TACC3: variants seen among roughly 807,000 people sequenced by gnomAD.
The protein encoded by TACC3 is transforming acidic coiled-coil containing protein 3.
Under a neutral mutation model 86.0 loss-of-function variants are expected in TACC3, and 52 were observed. That is an observed-to-expected ratio of 0.60 (90% confidence interval 0.48 to 0.76). The LOEUF (loss-of-function observed/expected upper bound fraction) is 0.76, where lower values mean the gene tolerates loss of function less well. Ranked by LOEUF, TACC3 falls within the 30% of genes least tolerant of loss-of-function variation. The pLI is 0.00. For missense variants in TACC3, 1,120 were observed against 1,070.4 expected (o/e 1.05, Z -0.65); for synonymous variants, 512 against 430.0 (o/e 1.19, Z -2.36).
chr4:1,744,405 C>T lies in TACC3; in HGVS notation c.2224-113C>T, dbSNP rs573602272. The stretch of plus-strand genomic sequence containing the variant: ...CCAAAAGGAAAACGGGAGCTACTGG[C>T]TCACGGCTGATGCCCCAGACAGCCT... On this transcript the variant is annotated intron_variant, in intron 13 of 15. Coordinates refer to ENST00000313288, the MANE Select transcript of TACC3 (RefSeq NM_006342.3). 1.2e-3 allele frequency: 1,142 copies of T among 969,810 alleles called. 14 individuals are homozygous for T. The African/African-American group carries it at 0.016, about 14-fold the overall frequency. 60.1% of individuals were successfully genotyped at this position (969,810 alleles called of 1,614,324 possible). A position where few individuals can be genotyped will look rare whatever the true frequency, so the allele number is the denominator to read the frequency against.
chr4:1,725,206 A>G (rs1717626362), intron 3 of TACC3, among the ~76,000 whole-genome samples: 1 of 152,186 alleles, frequency 6.6e-6, no homozygotes, highest in African/African-American at 2.4e-5. Context: ...TGCTGGGATT[A>G]CAGGCATGAG....
chr4:1,720,801 G>A (rs372318970), upstream of TACC3: 7 of 1,595,144 alleles, frequency 4.4e-6, no homozygotes, highest in Non-Finnish European at 6.0e-6. The surrounding 1 kb of genome is among the most constrained non-coding windows in gnomAD (Gnocchi z 4.4). Flanking sequence ...GCGAACACCA[G>A]ATAGGCGAGA....
rs1176114128 is a variant in TACC3, at chr4:1,730,776, C to T, written c.1386-111C>T. On this transcript the variant is annotated intron_variant, in intron 4 of 15. Transcript: ENST00000313288. Reference sequence around the variant, plus strand: ...CTGGCACGCTCTAGCTGAATGTTCACGTGGCCGGCACAGCAGTGCAGGGAA... The same window carrying T: ...CTGGCACGCTCTAGCTGAATGTTCATGTGGCCGGCACAGCAGTGCAGGGAA... 1.5e-5 allele frequency: 19 copies of T among 1,234,666 alleles called. No homozygotes were observed. In the South Asian group the frequency reaches 1.9e-4, roughly 12 times the overall value. The allele number at this position is 1,234,666 out of a possible 1,614,324, so 76.5% of individuals were successfully genotyped here. A position where few individuals can be genotyped will look rare whatever the true frequency, so the allele number is the denominator to read the frequency against.
chr4:1,730,458 T>C, intron 4 of TACC3: 1 of 317,040 alleles, frequency 3.2e-6, no homozygotes, highest in South Asian at 2.7e-5. Context: ...CTAGTATAAC[T>C]ATTCTTATTC....
At chr4:1,740,719 C>G (rs945545468) in intron 12 of TACC3, 107 bp from the exon 13 acceptor site, 66 of 1,002,826 alleles carry the variant, frequency 6.6e-5, no homozygotes, top group Non-Finnish European at 9.7e-5. Flanking sequence ...CCACTGCCCA[C>G]CTCTCCTCCT....
intron 8 of TACC3, 128 bp from the exon 9 acceptor site, chr4:1,737,113 C>T (rs1718310402): frequency 1.4e-6 from 1 of 726,220 alleles, no homozygotes; most frequent in Admixed American, 2.4e-5. Flanking sequence ...CGTTTTCTAC[C>T]ACTACCCTGA....
chr4:1,743,197 A>T (rs1169882350), intron 13 of TACC3, among the ~76,000 whole-genome samples: 2 of 143,446 alleles, frequency 1.4e-5, no homozygotes, highest in African/African-American at 5.3e-5. Flanking sequence ...TGGAGGTTGC[A>T]ATGAGCCAAG....
Position 1,728,479 on chromosome 4 carries a change from G to C in TACC3, c.1077G>C (p.Glu359Asp), listed in dbSNP as rs767234946. The change falls in exon 4 of 16, where the codon GAG becomes GAC. Residue 359 changes from glutamate (E) to aspartate (D), a missense_variant. By Grantham distance (45) the Glu-to-Asp change is conservative (BLOSUM62 2). Coordinates refer to ENST00000313288, the MANE Select transcript of TACC3 (RefSeq NM_006342.3). ...CACCCCCACCAAGGAGACTGGGAGA[G>C]AGGTCCGGCCTCAAGCCTCCCTTGA... ...KRAPPPRRLG[E>D]RSGLKPPLRK... 4 of 1,613,992 alleles carry C rather than the reference G, an allele frequency of 2.5e-6. No individual in the cohort carries two copies. Among genetic ancestry groups the C allele is most frequent in the Non-Finnish European group, 2.5e-6 (3 of 1,180,012 alleles).
At position 1,735,627 on chromosome 4, in the gene TACC3, GGGTGACCGGGGGTGGGAGTGTGCA is replaced by G. The variant is rs1472370353; in HGVS notation, c.1645-96_1645-73del. 2.1e-4 allele frequency: 193 copies of G among 912,546 alleles called. No individual in the cohort carries two copies. Among genetic ancestry groups the G allele is most frequent in the Non-Finnish European group, 2.8e-4 (160 of 561,974 alleles). The allele number at this position is 912,546 out of a possible 1,614,324, so 56.5% of individuals were successfully genotyped here. On this transcript the variant is annotated intron_variant, in intron 7 of 15. Transcript: ENST00000313288. This position sits in a 1 kb window ranked among gnomAD's most constrained non-coding sequence, Gnocchi z 4.2. The stretch of plus-strand genomic sequence containing the variant: ...TGGGTGACCGGGGGTGGGAGTGTGC[GGGTGACCGGGGGTGGGAGTGTGCA>G]GGTGACCTCCCTGGCCCTTAGCCCC...
chr4:1,721,439 G>C (rs1008138609), upstream of TACC3: 1 of 152,136 alleles, frequency 6.6e-6, no homozygotes, highest in African/African-American at 2.4e-5. Context: ...CCGCCCTCCT[G>C]CGGTCCTGCC....
intron 11 of TACC3, 45 bp from the exon 12 acceptor site, chr4:1,739,914 C>G (rs754081634): frequency 9.9e-6 from 16 of 1,611,672 alleles, no homozygotes; most frequent in Non-Finnish European, 1.2e-5. Flanking sequence ...CCTGGGACCG[C>G]TGGGCACCCG....
chr4:1,730,341 C>T (rs898235467), intron 4 of TACC3: 1 of 213,166 alleles, frequency 4.7e-6, no homozygotes, highest in Non-Finnish European at 9.7e-6. Flanking sequence ...CCGGCGTTTC[C>T]TAGGTTATTA....
intron 4 of TACC3, 56 bp from the exon 5 acceptor site, chr4:1,730,831 G>T (rs888786783): frequency 6.4e-7 from 1 of 1,569,246 alleles, no homozygotes. Context: ...CTGGAGCAGG[G>T]GACGCCGGGG....
At chr4:1,732,336 GGTTTGTCCGT>G (rs1718044246) in intron 6 of TACC3, among the ~76,000 whole-genome samples, 1 of 148,630 alleles carries the variant, frequency 6.7e-6, no homozygotes, top group African/African-American at 2.5e-5. Flanking sequence ...AGTTGAATAC[GGTTTGTCCGT>G]AAGATTGGAG....
chr4:1,720,878 C>T (rs1472365972), upstream of TACC3: 1 of 1,531,378 alleles, frequency 6.5e-7, no homozygotes, highest in South Asian at 1.2e-5. The surrounding 1 kb of genome is among the most constrained non-coding windows in gnomAD (Gnocchi z 4.4). Flanking sequence ...GCCCCCGCCC[C>T]GGCGCGCGGA....
intron 3 of TACC3, among the ~76,000 whole-genome samples, chr4:1,724,218 C>T (rs1264938001): frequency 3.3e-5 from 5 of 151,396 alleles, no homozygotes; most frequent in South Asian, 2.1e-4. Flanking sequence ...ATGATGCGCC[C>T]GCCTTGGCCT....
At chr4:1,722,156 C>A (rs940549278) in intron 1 of TACC3, among the ~76,000 whole-genome samples, 5 of 152,162 alleles carry the variant, frequency 3.3e-5, no homozygotes, top group African/African-American at 9.7e-5. Flanking sequence ...AGCACCAAAG[C>A]ACCAGCCTGG....
Position 1,745,041 on chromosome 4 carries a change from C to G in TACC3, c.*28C>G, listed in dbSNP as rs1388339707. The G allele has an allele frequency of 1.3e-6, 2 of 1,585,758 alleles. No individual in the cohort carries two copies. Among genetic ancestry groups the G allele is most frequent in the East Asian group, 2.3e-5 (1 of 43,890 alleles). Reference sequence around the variant, plus strand: ...TCCACGGAGCCGCTGTCCCCGCCCCCCTGCTCCCGTCTGTCTGTCCTGTCT... The same window carrying G: ...TCCACGGAGCCGCTGTCCCCGCCCCGCTGCTCCCGTCTGTCTGTCCTGTCT... On this transcript the variant is annotated 3_prime_UTR_variant, in exon 16 of 16. Coordinates refer to ENST00000313288, the MANE Select transcript of TACC3 (RefSeq NM_006342.3).
In TACC3 at chr4:1,745,110, CT is replaced by C; in HGVS notation, c.*103del. On this transcript the variant is annotated 3_prime_UTR_variant, in exon 16 of 16. Transcript: ENST00000313288. ...GTTCTTTTTTCTGTCTTGTCTTCAA[CT>C]TTTTTAAAAACTAGATTGCTTTGAA... is the stretch of plus-strand genomic sequence containing the variant. 1.5e-6 allele frequency: 2 copies of C among 1,298,000 alleles called. No homozygotes were observed. The highest frequency in any genetic ancestry group is 2.5e-5 in the East Asian group (1 of 39,270). 80.4% of individuals were successfully genotyped at this position (1,298,000 alleles called of 1,614,324 possible). A position where few individuals can be genotyped will look rare whatever the true frequency, so the allele number is the denominator to read the frequency against.
Sources: gnomAD v4.1 joint callset for allele counts (sites outside exome capture counted in the v4.1 genomes callset) on GRCh38, gnomAD v4.1.1 for gene constraint, Gnocchi (gnomAD v3.1) non-coding constraint, MANE v1.5 for transcripts, NCBI Gene and HGNC (gene_info 2026-07-23, HGNC 2026-07-21) for gene names.